The following BLVRA variants were observed in gnomAD, a reference collection of about 807,000 sequenced individuals.
BLVRA encodes biliverdin reductase A.
BLVRA carries 22 observed loss-of-function variants against 32.8 expected under a neutral mutation model. That is an observed-to-expected ratio of 0.67 (90% CI 0.48 to 0.96). The LOEUF (loss-of-function observed/expected upper bound fraction) is 0.96, where lower values mean the gene tolerates loss of function less well. BLVRA is among the 40% of genes least tolerant of loss of function. BLVRA has a pLI of 0.00. For missense variants in BLVRA, 323 were observed against 358.1 expected (o/e 0.90, Z 0.79); for synonymous variants, 119 against 141.3 (o/e 0.84, Z 1.12).
At chr7:43,765,096 C>CG (rs1375694146) in intron 1 of BLVRA, among the ~76,000 whole-genome samples, 4 of 152,056 alleles carry the variant, frequency 2.6e-5, no homozygotes, top group South Asian at 4.1e-4. Context: ...GCAGTAGATA[C>CG]GGGGGGAGGA....
At chr7:43,766,124 C>T (rs1040173567) in intron 1 of BLVRA, among the ~76,000 whole-genome samples, 7 of 151,846 alleles carry the variant, frequency 4.6e-5, no homozygotes, top group African/African-American at 1.7e-4. Flanking sequence ...CCCATTTCTA[C>T]TAAAAATAAT....
At chr7:43,760,505 C>T (rs371259512) in intron 1 of BLVRA, among the ~76,000 whole-genome samples, 3 of 152,068 alleles carry the variant, frequency 2.0e-5, no homozygotes, top group Non-Finnish European at 4.4e-5. Flanking sequence ...ATGACATGAT[C>T]ATATATTTAT....
rs56855757 is a variant in BLVRA at position 43,798,197 on chromosome 7, C to CAAAAAAAAA, written c.353-2247_353-2239dup. On this transcript the variant is annotated intron_variant, in intron 5 of 7. Coordinates refer to ENST00000265523, the MANE Select transcript of BLVRA (RefSeq NM_000712.4). The stretch of plus-strand genomic sequence containing the variant: ...TGACAGAGGGAGACTCCCCATCTCA[C>CAAAAAAAAA]AAAAAAAAAAAAAAAAAAAAAAAAA... Among the ~76,000 whole-genome samples the CAAAAAAAAA allele has an allele frequency of 4.9e-4, 22 of 45,180 alleles. 1 individual carries two copies. The highest frequency in any genetic ancestry group is 9.0e-4 in the East Asian group (1 of 1,110). 29.6% of individuals were successfully genotyped at this position (45,180 alleles called of 152,430 possible).
chr7:43,803,791 G>C lies in BLVRA; in HGVS notation c.576G>C (p.Glu192Asp). 6.2e-7 allele frequency: 1 copy of C among 1,614,018 alleles called. No homozygotes were observed. The highest frequency in any genetic ancestry group is 8.5e-7 in the Non-Finnish European group (1 of 1,180,008). The change falls in exon 7 of 8, where the codon GAG (glutamate) becomes GAC (aspartate). Residue 192 changes from glutamate (E) to aspartate (D), a missense_variant. By Grantham distance (45) the Glu-to-Asp change is conservative. Coordinates refer to ENST00000265523, the MANE Select transcript of BLVRA (RefSeq NM_000712.4). The part of the protein sequence containing the change: ...ELSLVSATLE[E>D]RKEDQYMKMT... ...CTCTTGTGTCTGCCACTTTGGAAGAGCGAAAGGAAGATCAGTATATGAAAA... is the reference window on the plus strand; with the variant it reads ...CTCTTGTGTCTGCCACTTTGGAAGACCGAAAGGAAGATCAGTATATGAAAA...
chr7:43,788,319 G>A (rs541262085), intron 3 of BLVRA, among the ~76,000 whole-genome samples: 1 of 152,336 alleles, frequency 6.6e-6, no homozygotes, highest in African/African-American at 2.4e-5. Context: ...CATGCATGGG[G>A]CTTTGGCCTG....
intron 1 of BLVRA, among the ~76,000 whole-genome samples, chr7:43,759,786 T>A (rs1243812389): frequency 6.6e-6 from 1 of 152,214 alleles, no homozygotes. Flanking sequence ...ATATTCCTAA[T>A]TATTTCCTAA....
intron 7 of BLVRA, among the ~76,000 whole-genome samples, chr7:43,805,140 G>A (rs1052930349): frequency 1.3e-5 from 2 of 152,182 alleles, no homozygotes; most frequent in Non-Finnish European, 2.9e-5. Context: ...ACTGTAGGGT[G>A]CTGTAGGAGC....
chr7:43,765,341 T>C (rs1366904200), intron 1 of BLVRA, among the ~76,000 whole-genome samples: 1 of 150,496 alleles, frequency 6.6e-6, no homozygotes, highest in Non-Finnish European at 1.5e-5. Context: ...AACCTCTGCC[T>C]CCTGGGTTCA....
intron 2 of BLVRA, among the ~76,000 whole-genome samples, chr7:43,777,931 GC>G (rs1388384450): frequency 6.6e-6 from 1 of 151,912 alleles, no homozygotes; most frequent in African/African-American, 2.4e-5. Context: ...CCAGTTGATC[GC>G]ATTGGCTCCT....
chr7:43,793,731 C>G (rs2095788711), intron 5 of BLVRA, among the ~76,000 whole-genome samples: 1 of 150,608 alleles, frequency 6.6e-6, no homozygotes. Context: ...TCAAGGGATT[C>G]TCCTTCCTCA....
At chr7:43,792,692 T>C in intron 4 of BLVRA, 23 bp from the exon 5 acceptor site, 3 of 1,596,098 alleles carry the variant, frequency 1.9e-6, no homozygotes, top group Non-Finnish European at 2.6e-6. Flanking sequence ...GTTCTTTCTC[T>C]GTATTTGTCT....
chr7:43,782,420 G>A (rs1168881978), intron 2 of BLVRA, among the ~76,000 whole-genome samples: 1 of 152,214 alleles, frequency 6.6e-6, no homozygotes, highest in Non-Finnish European at 1.5e-5. Flanking sequence ...GGGCTGCCAG[G>A]ATTCCTAGAG....
chr7:43,773,142 T>TTTA (rs1342923048), intron 2 of BLVRA, among the ~76,000 whole-genome samples: 2 of 152,058 alleles, frequency 1.3e-5, no homozygotes, highest in Non-Finnish European at 2.9e-5. Flanking sequence ...TTAATTTTAT[T>TTTA]TTATTATTAT....
chr7:43,760,746 G>A (rs2095741358), intron 1 of BLVRA, among the ~76,000 whole-genome samples: 1 of 148,222 alleles, frequency 6.7e-6, no homozygotes, highest in Non-Finnish European at 1.5e-5. Context: ...GGGGAGCTTA[G>A]TTCCTGACAA....
At chr7:43,803,568 A>C in intron 6 of BLVRA, 108 bp from the exon 7 acceptor site, 2 of 1,254,790 alleles carry the variant, frequency 1.6e-6, no homozygotes, top group Non-Finnish European at 2.3e-6. Context: ...CATTGTACTG[A>C]TCACTCGGCC....
intron 1 of BLVRA, among the ~76,000 whole-genome samples, chr7:43,762,210 T>C (rs1488309788): frequency 2.0e-5 from 3 of 152,144 alleles, no homozygotes; most frequent in African/African-American, 7.2e-5. Context: ...CATTTTGGGC[T>C]GGATAATTCT....
intron 4 of BLVRA, 129 bp from the exon 5 acceptor site, chr7:43,792,586 C>T: frequency 3.4e-6 from 3 of 872,610 alleles, no homozygotes; most frequent in Non-Finnish European, 3.7e-6. Flanking sequence ...TGACTCCTAC[C>T]CCCAGTCATG....
At chr7:43,776,297 C>G (rs934312112) in intron 2 of BLVRA, among the ~76,000 whole-genome samples, 20 of 151,634 alleles carry the variant, frequency 1.3e-4, no homozygotes, top group African/African-American at 4.8e-4. Context: ...AAATTTCCCT[C>G]TACACACTGC....
intron 6 of BLVRA, among the ~76,000 whole-genome samples, chr7:43,802,869 C>G (rs1448033697): frequency 6.6e-6 from 1 of 152,146 alleles, no homozygotes; most frequent in African/African-American, 2.4e-5. Context: ...TCCCAAGTAG[C>G]TGGGGTTACA....
Sources: gnomAD v4.1 joint callset for allele counts (sites outside exome capture counted in the v4.1 genomes callset) on GRCh38, gnomAD v4.1.1 for gene constraint, MANE v1.5 for transcripts, NCBI Gene and HGNC (gene_info 2026-07-23, HGNC 2026-07-21) for gene names.